Variants in AKAP13 observed in about 807,000 individuals in gnomAD.
AKAP13 encodes A-kinase anchor protein 13.
In AKAP13, 80 loss-of-function variants were observed where a neutral mutation model predicts 264.5. The ratio of observed to expected loss-of-function variants is 0.30; its 90% CI spans 0.25 to 0.36. AKAP13 has a LOEUF of 0.36. Ranked by LOEUF, AKAP13 falls within the 10% of genes least tolerant of loss-of-function variation. The pLI, the probability that AKAP13 is intolerant of heterozygous loss-of-function variation, is 1.00. For synonymous variants in AKAP13, 1,380 were observed against 1,250.2 expected (o/e 1.10, Z -2.19); for missense variants, 3,712 against 3,435.2 (o/e 1.08, Z -2.01).
chr15:85,715,069 G>A (rs1168878360), intron 19 of AKAP13, among the ~76,000 whole-genome samples: 1 of 152,132 alleles, frequency 6.6e-6, no homozygotes, highest in Non-Finnish European at 1.5e-5. Context: ...CACCCCAGAG[G>A]TAACCACTCT....
intron 5 of AKAP13, among the ~76,000 whole-genome samples, chr15:85,550,468 C>T (rs2077920164): frequency 6.6e-6 from 1 of 152,178 alleles, no homozygotes; most frequent in South Asian, 2.1e-4. Context: ...TCTTACAAGA[C>T]ACTTGCGCTT....
chr15:85,650,115 A>AG (rs1232991901), intron 10 of AKAP13, among the ~76,000 whole-genome samples: 3 of 152,208 alleles, frequency 2.0e-5, no homozygotes, highest in African/African-American at 4.8e-5. Context: ...TTAAAAAAAA[A>AG]CAATAAACCT....
At chr15:85,726,039 A>C (rs1224122245) in intron 26 of AKAP13, 1 of 163,386 alleles carries the variant, frequency 6.1e-6, no homozygotes, top group Non-Finnish European at 1.3e-5. Context: ...TATTTTTTGG[A>C]GTATCCTGCT....
intron 1 of AKAP13, among the ~76,000 whole-genome samples, chr15:85,424,836 A>G (rs1421690983): frequency 6.6e-6 from 1 of 152,170 alleles, no homozygotes; most frequent in Non-Finnish European, 1.5e-5. Flanking sequence ...GGGGTTATTC[A>G]TTGGTCTCAT....
intron 8 of AKAP13, among the ~76,000 whole-genome samples, chr15:85,596,232 AT>A (rs1216417523): frequency 6.6e-6 from 1 of 152,218 alleles, no homozygotes; most frequent in Admixed American, 6.5e-5. Flanking sequence ...CAAAATGTTT[AT>A]TGTATTGATC....
chr15:85,537,727 TACTC>T (rs769655254), intron 4 of AKAP13, among the ~76,000 whole-genome samples: 2 of 152,214 alleles, frequency 1.3e-5, no homozygotes, highest in Non-Finnish European at 1.5e-5. Flanking sequence ...TTGTGCAAAA[TACTC>T]AATCTCTCTG....
intron 14 of AKAP13, among the ~76,000 whole-genome samples, chr15:85,677,813 ATT>A (rs1053384471): frequency 7.3e-5 from 11 of 151,440 alleles, no homozygotes; most frequent in Non-Finnish European, 1.6e-4. Context: ...CGCCCAGCTA[ATT>A]TTTTTTGTAT....
chr15:85,498,199 G>GATATATATATATATATATATATATATAT (rs59420326), intron 2 of AKAP13, among the ~76,000 whole-genome samples: 71 of 133,040 alleles, frequency 5.3e-4, no homozygotes, highest in African/African-American at 1.8e-3. Flanking sequence ...AATGAAGTGA[G>GATATATATATATATATATATATATATAT]ATATATATAT....
chr15:85,488,301 C>G (rs1445454218), intron 2 of AKAP13, among the ~76,000 whole-genome samples: 2 of 152,118 alleles, frequency 1.3e-5, no homozygotes, highest in Non-Finnish European at 2.9e-5. Context: ...GCTGCACAAT[C>G]TTTTTTATAT....
chr15:85,513,194 G>T (rs1044951773), intron 2 of AKAP13, among the ~76,000 whole-genome samples: 2 of 152,128 alleles, frequency 1.3e-5, no homozygotes, highest in African/African-American at 4.8e-5. Flanking sequence ...CGGGTAAAAG[G>T]CGCTTGTGTG....
At chr15:85,665,006 G>T (rs1030046473) in intron 13 of AKAP13, among the ~76,000 whole-genome samples, 1 of 152,030 alleles carries the variant, frequency 6.6e-6, no homozygotes, top group Non-Finnish European at 1.5e-5. Flanking sequence ...TTCAAGACCA[G>T]CCTGGGCAAC....
At chr15:85,460,668 A>G (rs2074476543) in intron 1 of AKAP13, among the ~76,000 whole-genome samples, 1 of 152,242 alleles carries the variant, frequency 6.6e-6, no homozygotes, top group South Asian at 2.1e-4. Context: ...CAGTCTAATC[A>G]TAGGAATCTT....
intron 1 of AKAP13, among the ~76,000 whole-genome samples, chr15:85,417,729 G>C (rs556031845): frequency 6.6e-6 from 1 of 152,280 alleles, no homozygotes; most frequent in South Asian, 2.1e-4. Flanking sequence ...TCCTCACCAG[G>C]AGCCAGTGAA....
At chr15:85,475,436 AC>A (rs2075125551) in intron 1 of AKAP13, among the ~76,000 whole-genome samples, 2 of 152,186 alleles carry the variant, frequency 1.3e-5, no homozygotes, top group South Asian at 4.1e-4. Context: ...AGCAGCAGAA[AC>A]CATTTTTGCA....
chr15:85,639,523 C>A, intron 9 of AKAP13, 74 bp downstream of exon 9: 1 of 1,093,388 alleles, frequency 9.1e-7, no homozygotes, highest in Non-Finnish European at 1.4e-6. Flanking sequence ...TGGAGATCTG[C>A]CCTTCCTTAG....
At chr15:85,433,233 C>T (rs550029836) in intron 1 of AKAP13, among the ~76,000 whole-genome samples, 1 of 151,478 alleles carries the variant, frequency 6.6e-6, no homozygotes, top group South Asian at 2.1e-4. Context: ...CGTCCCCCCT[C>T]CAAAACAACT....
chr15:85,597,423 G>T (rs1220439818), intron 8 of AKAP13, among the ~76,000 whole-genome samples: 1 of 152,136 alleles, frequency 6.6e-6, no homozygotes, highest in Non-Finnish European at 1.5e-5. Flanking sequence ...TGTTTCTGCT[G>T]GAGATTCTTA....
In AKAP13 at chr15:85,747,187, A is replaced by G. The variant is rs747384654; in HGVS notation, c.*2510A>G. 8 of 152,222 alleles carry G rather than the reference A, an allele frequency of 5.3e-5. No homozygotes were observed. Among genetic ancestry groups the G allele is most frequent in the Admixed American group, 1.3e-4 (2 of 15,290 alleles). The allele number at this position is 152,222 out of a possible 1,614,324, so 9.4% of individuals were successfully genotyped here. On this transcript the variant is annotated 3_prime_UTR_variant, in exon 37 of 37. Transcript: ENST00000394518. ...CCAGGAATACAGTCTGCAGTGCAGC[A>G]ACAGAACCGCTTACCAAGAACTGTG... is the stretch of plus-strand genomic sequence containing the variant.
At chr15:85,554,786 G>A (rs1028141775) in intron 5 of AKAP13, among the ~76,000 whole-genome samples, 3 of 152,082 alleles carry the variant, frequency 2.0e-5, no homozygotes, top group African/African-American at 2.4e-5. Context: ...AAATTGAAGC[G>A]CAGAGAAATT....
Sources: gnomAD v4.1 joint callset for allele counts (sites outside exome capture counted in the v4.1 genomes callset) on GRCh38, gnomAD v4.1.1 for gene constraint, MANE v1.5 for transcripts, NCBI Gene and HGNC (gene_info 2026-07-23, HGNC 2026-07-21) for gene names.